Variants in KRAS observed in about 807,000 individuals in gnomAD.
KRAS encodes GTPase KRas.
In KRAS, 1 loss-of-function variant was observed where a neutral mutation model predicts 21.0. The observed-to-expected ratio is 0.05, with a 90% CI of 0.02 to 0.23. The LOEUF (loss-of-function observed/expected upper bound fraction) is 0.23. Among genes scored for constraint, KRAS ranks in the 10% least tolerant of loss-of-function variants. KRAS has a pLI of 1.00. For missense variants in KRAS, 107 were observed against 221.8 expected (o/e 0.48, Z 3.29); for synonymous variants, 67 against 72.5 (o/e 0.92, Z 0.39).
At chr12:25,246,790 G>A (rs934165476) in intron 1 of KRAS, among the ~76,000 whole-genome samples, 8 of 151,232 alleles carry the variant, frequency 5.3e-5, no homozygotes, top group African/African-American at 9.7e-5. Context: ...GGTGGCGGGC[G>A]CCTGTAGTCC....
chr12:25,232,347 T>C (rs918714054), intron 2 of KRAS, among the ~76,000 whole-genome samples: 19 of 152,218 alleles, frequency 1.2e-4, no homozygotes, highest in African/African-American at 4.3e-4. Flanking sequence ...CAAAGACCCA[T>C]ATGGCCCTTT....
In KRAS at chr12:25,236,219, T is replaced by C. The variant is rs74443087; in HGVS notation, c.112-8807A>G. Among the ~76,000 whole-genome samples the C allele has an allele frequency of 4.2e-3, 637 of 152,264 alleles. 6 individuals carry two copies. The highest frequency in any genetic ancestry group is 0.014 in the African/African-American group (594 of 41,538). ...ATTAAGTAAGGAGTTTTAAACTTCATCCTATACAAAATCACTAAAAGGTTT... is the reference window on the plus strand; with the variant it reads ...ATTAAGTAAGGAGTTTTAAACTTCACCCTATACAAAATCACTAAAAGGTTT... On this transcript the variant is annotated intron_variant, in intron 2 of 4. Transcript: ENST00000311936.
chr12:25,222,539 AAAAG>A (rs1316487707), intron 4 of KRAS, among the ~76,000 whole-genome samples: 1 of 152,210 alleles, frequency 6.6e-6, no homozygotes, highest in Non-Finnish European at 1.5e-5. Context: ...AACAGGATGT[AAAAG>A]AAAGGTTGAG....
chr12:25,244,180 T>C (rs1212887282), intron 2 of KRAS, among the ~76,000 whole-genome samples: 2 of 152,162 alleles, frequency 1.3e-5, no homozygotes. Flanking sequence ...ATAAGGCACT[T>C]TGACCTGTTC....
intron 4 of KRAS, among the ~76,000 whole-genome samples, chr12:25,213,815 T>C (rs776575000): frequency 1.3e-5 from 2 of 152,208 alleles, no homozygotes; most frequent in Non-Finnish European, 2.9e-5. Flanking sequence ...ATGAACTTTA[T>C]GATACCTAGT....
At chr12:25,217,427 T>C (rs1345388185) in intron 4 of KRAS, among the ~76,000 whole-genome samples, 1 of 152,204 alleles carries the variant, frequency 6.6e-6, no homozygotes, top group Non-Finnish European at 1.5e-5. Context: ...AGTAACGTGA[T>C]TATATGTTAA....
intron 2 of KRAS, chr12:25,234,615 T>C (rs1190957710): frequency 1.6e-5 from 3 of 188,476 alleles, no homozygotes; most frequent in African/African-American, 7.0e-5. Context: ...GGAATTTTAA[T>C]CTTCTTTTAC....
At chr12:25,228,253 C>A (rs1015901480) in intron 2 of KRAS, among the ~76,000 whole-genome samples, 1 of 130,352 alleles carries the variant, frequency 7.7e-6, no homozygotes, top group Non-Finnish European at 1.5e-5. Flanking sequence ...TGGGCTCAAG[C>A]GATCCTCCTG....
At chr12:25,247,583 TC>T (rs1190497796) in intron 1 of KRAS, among the ~76,000 whole-genome samples, 1 of 151,902 alleles carries the variant, frequency 6.6e-6, no homozygotes, top group Non-Finnish European at 1.5e-5. Flanking sequence ...TACCCCAACC[TC>T]CCCCCAACCA....
chr12:25,242,272 T>C (rs1487057993), intron 2 of KRAS, among the ~76,000 whole-genome samples: 2 of 152,306 alleles, frequency 1.3e-5, no homozygotes, highest in South Asian at 2.1e-4. Flanking sequence ...CTTACTAGCA[T>C]ATTATATACA....
chr12:25,218,337 CTT>C lies in KRAS; in HGVS notation c.450+7275_450+7276del, dbSNP rs989809194. ...TAGCAGAAGCAAATTTTGATTTTAA[CTT>C]ATTTCTAAAATCAATATGAATGTGT... On this transcript the variant is annotated intron_variant, in intron 4 of 4. Transcript: ENST00000311936. Among the ~76,000 whole-genome samples the C allele has an allele frequency of 6.1e-5, 9 of 147,978 alleles. 1 individual carries two copies. The highest frequency in any genetic ancestry group is 2.1e-4 in the African/African-American group (8 of 37,832).
At chr12:25,227,213 T>C (rs1198529808) in intron 3 of KRAS, 21 bp downstream of exon 3, 2 of 1,562,584 alleles carry the variant, frequency 1.3e-6, no homozygotes, top group Admixed American at 3.3e-5. Flanking sequence ...TGTCAGCTTA[T>C]TATATTCAAT....
intron 4 of KRAS, among the ~76,000 whole-genome samples, chr12:25,213,017 G>A (rs556179058): frequency 1.3e-5 from 2 of 152,164 alleles, no homozygotes; most frequent in Admixed American, 1.3e-4. Flanking sequence ...TCCTGCCTCA[G>A]GCTCCCAAGC....
At chr12:25,219,200 T>C (rs1951290595) in intron 4 of KRAS, among the ~76,000 whole-genome samples, 1 of 152,232 alleles carries the variant, frequency 6.6e-6, no homozygotes, top group African/African-American at 2.4e-5. Flanking sequence ...CCTCCCAAAG[T>C]GCTAGGATTA....
intron 2 of KRAS, among the ~76,000 whole-genome samples, chr12:25,239,063 T>C (rs1565889429): frequency 1.3e-5 from 2 of 152,274 alleles, no homozygotes; most frequent in Non-Finnish European, 2.9e-5. Flanking sequence ...GTTATCATTT[T>C]AACCTTAGCC....
Position 25,209,631 on chromosome 12 carries a change from A to G in KRAS, c.*164T>C. ...ATACTGGCACTTAGAGGAAAAAAAA[A>G]CTTCCACTGTCATTTTAAAATAAGC... On this transcript the variant is annotated 3_prime_UTR_variant, in exon 5 of 5. Coordinates refer to ENST00000311936, the MANE Select transcript of KRAS (RefSeq NM_004985.5). 1 of 1,359,016 alleles carries G rather than the reference A, an allele frequency of 7.4e-7. No homozygotes were observed. Among genetic ancestry groups the G allele is most frequent in the Middle Eastern group, 2.8e-4 (1 of 3,620 alleles). The allele number at this position is 1,359,016 out of a possible 1,614,324, so 84.2% of individuals were successfully genotyped here.
At chr12:25,233,759 C>T (rs951546937) in intron 2 of KRAS, 35 of 210,438 alleles carry the variant, frequency 1.7e-4, no homozygotes, top group Non-Finnish European at 3.0e-4. Context: ...CACCCTCTAC[C>T]TAACAGTCTT....
At chr12:25,248,288 C>T (rs1726394082) in intron 1 of KRAS, among the ~76,000 whole-genome samples, 3 of 152,066 alleles carry the variant, frequency 2.0e-5, no homozygotes, top group African/African-American at 4.8e-5. Flanking sequence ...TGGTGAAATC[C>T]CGTATCTAAA....
chr12:25,234,418 T>C (rs1263879561), intron 2 of KRAS: 3 of 182,348 alleles, frequency 1.6e-5, no homozygotes, highest in Non-Finnish European at 3.5e-5. Flanking sequence ...TACTATTCTA[T>C]AAAGCACTAA....
Sources: gnomAD v4.1 joint callset for allele counts (sites outside exome capture counted in the v4.1 genomes callset) on GRCh38, gnomAD v4.1.1 for gene constraint, MANE v1.5 for transcripts, NCBI Gene and HGNC (gene_info 2026-07-23, HGNC 2026-07-21) for gene names.